Variants in SLC44A5 observed in about 807,000 individuals in gnomAD.
The protein encoded by SLC44A5 is solute carrier family 44 member 5.
In SLC44A5, 57 loss-of-function variants were observed where a neutral mutation model predicts 101.8. The ratio of observed to expected loss-of-function variants is 0.56; its 90% CI spans 0.45 to 0.70. The LOEUF is 0.70. Among genes scored for constraint, SLC44A5 ranks in the 30% least tolerant of loss-of-function variants. The probability of loss-of-function intolerance (pLI) is 0.00; values close to 1 mark genes in which losing one functional copy is unlikely to be tolerated. For missense variants in SLC44A5, 737 were observed against 853.1 expected, an observed-to-expected ratio of 0.86 and a Z score of 1.70; for synonymous variants, 281 against 290.9, an observed-to-expected ratio of 0.97 and a Z score of 0.35.
chr1:75,716,432 C>T, the SLC44A5 span, among the ~76,000 whole-genome samples: 5 of 152,008 alleles, frequency 3.3e-5, no homozygotes, highest in Non-Finnish European at 7.4e-5. Flanking sequence ...GATCACGCCG[C>T]TGCACTCCAG....
At chr1:75,297,108 T>G (rs919864648) in intron 5 of SLC44A5, among the ~76,000 whole-genome samples, 1 of 152,144 alleles carries the variant, frequency 6.6e-6, no homozygotes, top group African/African-American at 2.4e-5. Context: ...ATTAACTTTC[T>G]TGTTAACTTT....
intron 1 of SLC44A5, among the ~76,000 whole-genome samples, chr1:75,548,382 T>C (rs915995239): frequency 3.3e-5 from 5 of 152,170 alleles, no homozygotes; most frequent in African/African-American, 1.2e-4. Flanking sequence ...TTTAACTTTA[T>C]GAAATTTAAT....
At chr1:75,680,858 C>T in the SLC44A5 span, among the ~76,000 whole-genome samples, 40 of 151,394 alleles carry the variant, frequency 2.6e-4, no homozygotes, top group South Asian at 4.2e-4. Context: ...AATTGATAGA[C>T]GGCTAGCAAG....
intron 2 of SLC44A5, among the ~76,000 whole-genome samples, chr1:75,467,742 T>G (rs1042695673): frequency 3.3e-5 from 5 of 152,078 alleles, no homozygotes; most frequent in Non-Finnish European, 7.4e-5. Flanking sequence ...AAAGAAAACT[T>G]CAGGGAAACT....
At chr1:75,363,494 A>G (rs188909831) in intron 3 of SLC44A5, among the ~76,000 whole-genome samples, 2,025 of 152,114 alleles carry the variant, frequency 0.013, 50 homozygotes, top group African/African-American at 0.047. Context: ...CTTATATAAA[A>G]TATTTTATAT....
the SLC44A5 span, among the ~76,000 whole-genome samples, chr1:75,675,625 A>G: frequency 6.6e-6 from 1 of 152,222 alleles, no homozygotes; most frequent in African/African-American, 2.4e-5. Flanking sequence ...AGGCAATAAC[A>G]TTCAGGACAT....
At chr1:75,625,602 C>T in the SLC44A5 span, among the ~76,000 whole-genome samples, 1 of 152,240 alleles carries the variant, frequency 6.6e-6, no homozygotes, top group Non-Finnish European at 1.5e-5. Context: ...CACTTTGTGA[C>T]TTTTGACAAC....
intron 2 of SLC44A5, among the ~76,000 whole-genome samples, chr1:75,439,884 C>A (rs1316113149): frequency 6.6e-6 from 1 of 151,930 alleles, no homozygotes; most frequent in Non-Finnish European, 1.5e-5. Context: ...TTCTAAGACA[C>A]ACTATAATAA....
At chr1:75,594,002 G>A (rs1294131959) in intron 1 of SLC44A5, among the ~76,000 whole-genome samples, 5 of 151,988 alleles carry the variant, frequency 3.3e-5, no homozygotes, top group African/African-American at 1.2e-4. Context: ...TAATAGGATT[G>A]TTTGCAACTC....
intron 3 of SLC44A5, among the ~76,000 whole-genome samples, chr1:75,385,853 A>T (rs1327437831): frequency 6.6e-6 from 1 of 152,112 alleles, no homozygotes; most frequent in East Asian, 1.9e-4. Context: ...CCAAAAGCTT[A>T]TCCACCATGA....
Position 75,217,923 on chromosome 1 carries a change from T to C in SLC44A5, c.1567A>G (p.Ile523Val). The change falls in exon 18 of 24, where the codon ATT (isoleucine) becomes GTT (valine). Residue 523 changes from isoleucine (I) to valine (V), a missense_variant. Transcript: ENST00000370859. Reference protein sequence around the residue: ...TGSLAFGSLIIALIQMFKIVL... With the variant: ...TGSLAFGSLIVALIQMFKIVL... ...ATTTTAAACATTTGAATTAATGCAA[T>C]AATTAAAGATCCAAATGCTAGGGAT... The C allele has an allele frequency of 6.2e-7, 1 of 1,606,170 alleles. No individual in the cohort carries two copies. The highest frequency in any genetic ancestry group is 8.5e-7 in the Non-Finnish European group (1 of 1,173,086).
the SLC44A5 span, among the ~76,000 whole-genome samples, chr1:75,714,905 C>A: frequency 6.6e-6 from 1 of 152,160 alleles, no homozygotes; most frequent in African/African-American, 2.4e-5. Flanking sequence ...AACTCCTGAC[C>A]TCAGGTGATC....
chr1:75,537,037 T>C (rs370246811), intron 2 of SLC44A5, among the ~76,000 whole-genome samples: 1 of 60,104 alleles, frequency 1.7e-5, no homozygotes, highest in Admixed American at 2.3e-4. Flanking sequence ...AAAAAAAATA[T>C]ATATCTATGC....
chr1:75,329,315 C>G (rs1299900145), intron 4 of SLC44A5, among the ~76,000 whole-genome samples: 1 of 152,166 alleles, frequency 6.6e-6, no homozygotes, highest in Non-Finnish European at 1.5e-5. Flanking sequence ...ATCTCAGCAT[C>G]TGACCCCAAG....
chr1:75,294,398 A>G (rs902995126), intron 5 of SLC44A5, among the ~76,000 whole-genome samples: 1 of 152,228 alleles, frequency 6.6e-6, no homozygotes, highest in Non-Finnish European at 1.5e-5. Context: ...AAATTAGTAT[A>G]GCCATTACGA....
chr1:75,679,645 C>G, the SLC44A5 span, among the ~76,000 whole-genome samples: 1 of 152,006 alleles, frequency 6.6e-6, no homozygotes, highest in Non-Finnish European at 1.5e-5. Flanking sequence ...CTGGTACCAG[C>G]CGCTGCAAAA....
At chr1:75,480,424 A>C (rs896441065) in intron 2 of SLC44A5, among the ~76,000 whole-genome samples, 4 of 152,204 alleles carry the variant, frequency 2.6e-5, no homozygotes, top group Non-Finnish European at 4.4e-5. Flanking sequence ...AGGAGAAGGA[A>C]ATAAAGGGTA....
At chr1:75,681,248 C>T in the SLC44A5 span, among the ~76,000 whole-genome samples, 295 of 152,326 alleles carry the variant, frequency 1.9e-3, 1 homozygote, top group African/African-American at 6.7e-3. Flanking sequence ...TCCTCCCTAA[C>T]TCAGTTTATG....
Position 75,279,877 on chromosome 1 carries a change from T to C in SLC44A5, c.176-4835A>G, listed in dbSNP as rs137889529. ...CCTGAGCAGTGTACATTCTACCCAA[T>C]GTGTAGTATTTTGTCTCTCAACCCC... On this transcript the variant is annotated intron_variant, in intron 5 of 23. Coordinates refer to ENST00000370859, the MANE Select transcript of SLC44A5 (RefSeq NM_001130058.2). Among the ~76,000 whole-genome samples the C allele has an allele frequency of 3.3e-3, 506 of 152,002 alleles. 2 individuals are homozygous for C. Among genetic ancestry groups the C allele is most frequent in the African/African-American group, 0.012 (489 of 41,474 alleles).
Sources: allele counts gnomAD v4.1 joint callset (sites outside exome capture counted in the v4.1 genomes callset), GRCh38; gene constraint gnomAD v4.1.1; transcripts MANE v1.5; gene names NCBI Gene and HGNC (gene_info 2026-07-23, HGNC 2026-07-21).